Variants in DPP10 observed in about 807,000 individuals in gnomAD.
DPP10 encodes the protein dipeptidyl peptidase like 10, also known as inactive dipeptidyl peptidase 10.
DPP10 carries 33 observed loss-of-function variants against 120.9 expected under a neutral mutation model. The ratio of observed to expected loss-of-function variants is 0.27; its 90% CI spans 0.21 to 0.37. The LOEUF (loss-of-function observed/expected upper bound fraction) is 0.37, where lower values mean the gene tolerates loss of function less well. Among genes scored for constraint, DPP10 ranks in the 10% least tolerant of loss-of-function variants. The pLI, the probability that DPP10 is intolerant of heterozygous loss-of-function variation, is 1.00. For synonymous variants in DPP10, 337 were observed against 326.1 expected, an observed-to-expected ratio of 1.03 and a Z score of -0.36; for missense variants, 816 against 942.8, an observed-to-expected ratio of 0.87 and a Z score of 1.76.
At chr2:115,059,288 G>A (rs1396585687) in intron 1 of DPP10, among the ~76,000 whole-genome samples, 1 of 151,066 alleles carries the variant, frequency 6.6e-6, no homozygotes, top group Non-Finnish European at 1.5e-5. Flanking sequence ...AAGTTTTAAA[G>A]AGTCCCCCTC....
At chr2:114,742,164 C>T (rs1678128785) in intron 1 of DPP10, among the ~76,000 whole-genome samples, 3 of 152,146 alleles carry the variant, frequency 2.0e-5, no homozygotes. Context: ...TTCATGGAGT[C>T]ACATTTGCAA....
chr2:115,814,598 A>G, intron 19 of DPP10, 195 bp from the exon 20 acceptor site: 1 of 396,628 alleles, frequency 2.5e-6, no homozygotes, highest in Non-Finnish European at 4.4e-6. Context: ...CTTTTCAATT[A>G]CAGTTTTACA....
At chr2:115,015,920 C>A (rs1029607874) in intron 1 of DPP10, among the ~76,000 whole-genome samples, 1 of 152,168 alleles carries the variant, frequency 6.6e-6, no homozygotes, top group African/African-American at 2.4e-5. Context: ...CATGGCCATA[C>A]TGCCCAAAGT....
intron 5 of DPP10, among the ~76,000 whole-genome samples, chr2:115,555,240 T>C (rs1296694104): frequency 1.3e-5 from 2 of 152,100 alleles, no homozygotes; most frequent in Non-Finnish European, 2.9e-5. Flanking sequence ...TTAGAACATG[T>C]GTAGAGGAGG....
In DPP10 at chr2:115,525,899, T is replaced by A; in HGVS notation, c.368T>A (p.Val123Glu). The change falls in exon 5 of 26, where the codon GTA (valine) becomes GAA (glutamate). Residue 123 changes from valine (V) to glutamate (E), a missense_variant and splice_region_variant. Transcript: ENST00000410059. ...TTLLLENTTF[V>E]TFKASRHSVS... ...ACTGGTTTTTTTTTCTTTTTCTAGGTAACCTTCAAAGCATCAAGACATTCA... is the reference window on the plus strand; with the variant it reads ...ACTGGTTTTTTTTTCTTTTTCTAGGAAACCTTCAAAGCATCAAGACATTCA... 1 of 1,594,326 alleles carries A rather than the reference T, an allele frequency of 6.3e-7. No individual in the cohort carries two copies. Among genetic ancestry groups the A allele is most frequent in the Non-Finnish European group, 8.5e-7 (1 of 1,174,314 alleles).
chr2:115,831,582 T>C (rs1688934381), intron 21 of DPP10, among the ~76,000 whole-genome samples: 1 of 152,142 alleles, frequency 6.6e-6, no homozygotes, highest in African/African-American at 2.4e-5. Flanking sequence ...GTATCCCTTT[T>C]ACTATATTCA....
At chr2:115,283,976 A>G (rs534009721) in intron 1 of DPP10, among the ~76,000 whole-genome samples, 53 of 152,130 alleles carry the variant, frequency 3.5e-4, no homozygotes, top group African/African-American at 1.2e-3. Flanking sequence ...AGTGTACTCT[A>G]TGATGTTTGC....
At chr2:115,544,923 A>G (rs1004204428) in intron 5 of DPP10, among the ~76,000 whole-genome samples, 2 of 152,052 alleles carry the variant, frequency 1.3e-5, no homozygotes, top group African/African-American at 4.8e-5. Context: ...TATCCTCAGA[A>G]AGTTTTTCTT....
intron 1 of DPP10, among the ~76,000 whole-genome samples, chr2:114,562,508 G>T (rs1688845693): frequency 6.6e-6 from 1 of 152,154 alleles, no homozygotes; most frequent in South Asian, 2.1e-4. Context: ...CAAGCCTGTT[G>T]GGGAAAGTAG....
At chr2:115,190,420 A>G (rs2054792829) in intron 1 of DPP10, among the ~76,000 whole-genome samples, 1 of 152,020 alleles carries the variant, frequency 6.6e-6, no homozygotes, top group Admixed American at 6.5e-5. Context: ...TGCTGCTCTA[A>G]TTACTCGGCA....
At chr2:114,918,961 G>A (rs903504352) in intron 1 of DPP10, among the ~76,000 whole-genome samples, 1 of 135,794 alleles carries the variant, frequency 7.4e-6, no homozygotes, top group Non-Finnish European at 1.6e-5. Context: ...GAAAGAGTTG[G>A]AAGAAAGAAA....
intron 1 of DPP10, among the ~76,000 whole-genome samples, chr2:114,997,942 G>A (rs962129330): frequency 1.7e-4 from 26 of 152,094 alleles, no homozygotes; most frequent in Non-Finnish European, 7.4e-5. Flanking sequence ...CATAGTTTGA[G>A]GGTAACTTTA....
At chr2:115,822,498 G>A (rs1358233856) in intron 21 of DPP10, among the ~76,000 whole-genome samples, 1 of 151,786 alleles carries the variant, frequency 6.6e-6, no homozygotes, top group Non-Finnish European at 1.5e-5. Flanking sequence ...TACACCATAG[G>A]GATTTCTTAT....
intron 1 of DPP10, among the ~76,000 whole-genome samples, chr2:114,738,509 A>T (rs1344865645): frequency 1.3e-5 from 2 of 152,182 alleles, no homozygotes; most frequent in Non-Finnish European, 2.9e-5. Flanking sequence ...AGCCTGGGAC[A>T]CAGAGTGGCT....
In DPP10 at chr2:114,917,782, C is replaced by G. The variant is rs140352890; in HGVS notation, c.61-391457C>G. ...CAGAAGACTGAAACTGGGCCTCTTC[C>G]TTTCCCCACATACAAAAATCAACTC... On this transcript the variant is annotated intron_variant, in intron 1 of 25. Coordinates refer to ENST00000410059, the MANE Select transcript of DPP10 (RefSeq NM_020868.6). Among the ~76,000 whole-genome samples, 316 of 152,222 alleles carry G rather than the reference C, an allele frequency of 2.1e-3. 2 individuals are homozygous for G. Among genetic ancestry groups the G allele is most frequent in the African/African-American group, 7.3e-3 (302 of 41,552 alleles).
At chr2:115,648,340 A>C (rs992761697) in intron 5 of DPP10, among the ~76,000 whole-genome samples, 4 of 152,112 alleles carry the variant, frequency 2.6e-5, no homozygotes, top group Non-Finnish European at 5.9e-5. Context: ...TAAGTTCAAG[A>C]GATCTGTTGT....
chr2:115,332,724 G>A (rs2062832363), intron 2 of DPP10, among the ~76,000 whole-genome samples: 1 of 152,174 alleles, frequency 6.6e-6, no homozygotes, highest in Non-Finnish European at 1.5e-5. Context: ...TTTCCATGTA[G>A]TTGAGCAGTT....
intron 3 of DPP10, among the ~76,000 whole-genome samples, chr2:115,472,881 G>A (rs1196043738): frequency 6.6e-6 from 1 of 152,162 alleles, no homozygotes; most frequent in Non-Finnish European, 1.5e-5. Context: ...CAAAACGCTT[G>A]ACAAAATTTC....
chr2:114,736,146 C>T (rs1053892115), intron 1 of DPP10, among the ~76,000 whole-genome samples: 1 of 152,066 alleles, frequency 6.6e-6, no homozygotes, highest in East Asian at 2.0e-4. Flanking sequence ...TGTGAGGAAT[C>T]CATGTCCTCC....
Sources: gnomAD v4.1 joint callset for allele counts (sites outside exome capture counted in the v4.1 genomes callset) on GRCh38, gnomAD v4.1.1 for gene constraint, MANE v1.5 for transcripts, NCBI Gene and HGNC (gene_info 2026-07-23, HGNC 2026-07-21) for gene names.